Variants in AFF1 observed in about 807,000 individuals in gnomAD.
AFF1 encodes the protein ALF transcription elongation factor 1, also known as AF4/FMR2 family member 1.
AFF1 carries 48 observed loss-of-function variants against 121.7 expected under a neutral mutation model. The observed-to-expected ratio is 0.39, with a 90% CI of 0.31 to 0.50. AFF1 has a LOEUF of 0.50. Ranked by LOEUF, AFF1 falls within the 20% of genes least tolerant of loss-of-function variation. The pLI, the probability that AFF1 is intolerant of heterozygous loss-of-function variation, is 0.76. For missense variants in AFF1, 1,523 were observed against 1,511.7 expected (o/e 1.01, Z -0.12); for synonymous variants, 613 against 563.0 (o/e 1.09, Z -1.26).
intron 2 of AFF1, among the ~76,000 whole-genome samples, chr4:86,970,849 T>A (rs1188667951): frequency 6.6e-6 from 1 of 152,124 alleles, no homozygotes; most frequent in East Asian, 1.9e-4. Context: ...CAGTGTGTGC[T>A]TTGTATTTTT....
chr4:86,957,158 G>A lies in AFF1; in HGVS notation c.38+8587G>A, dbSNP rs192820726. 4.1e-4 allele frequency among the ~76,000 whole-genome samples: 62 copies of A among 152,316 alleles called. 1 individual carries two copies. The highest frequency in any genetic ancestry group is 2.6e-3 in the Admixed American group (40 of 15,300). On this transcript the variant is annotated intron_variant, in intron 2 of 20. Transcript: ENST00000395146. ...CATTTTAGGTGCTAAACTTGGTCCA[G>A]GTGGTAGATAAGATGAACACTGAGT...
chr4:87,125,552 CCTT>C (rs1221190501), intron 13 of AFF1, among the ~76,000 whole-genome samples: 23 of 152,214 alleles, frequency 1.5e-4, no homozygotes, highest in African/African-American at 5.1e-4. Context: ...GTTCAGTGCT[CCTT>C]CTTTTAGAGA....
intron 2 of AFF1, among the ~76,000 whole-genome samples, chr4:87,007,818 C>T (rs1004207569): frequency 1.3e-5 from 2 of 152,080 alleles, no homozygotes; most frequent in Admixed American, 6.6e-5. Flanking sequence ...TTTAGAAATA[C>T]GATTAATGTA....
chr4:87,044,674 T>G (rs962336630), intron 2 of AFF1, among the ~76,000 whole-genome samples: 22 of 152,056 alleles, frequency 1.4e-4, no homozygotes, highest in African/African-American at 4.8e-4. Flanking sequence ...GTGACTGGAA[T>G]GTAGAGGTAG....
chr4:87,041,459 C>T (rs1490820233), intron 2 of AFF1, among the ~76,000 whole-genome samples: 1 of 152,222 alleles, frequency 6.6e-6, no homozygotes, highest in Non-Finnish European at 1.5e-5. Context: ...GTCAGGCCTA[C>T]TGCCTTAGAA....
chr4:86,950,422 G>T (rs942930568), intron 2 of AFF1, among the ~76,000 whole-genome samples: 2 of 152,198 alleles, frequency 1.3e-5, no homozygotes, highest in Non-Finnish European at 2.9e-5. Context: ...CACCTGCCTT[G>T]GCCTCCCAAA....
At chr4:87,024,643 A>G (rs1728348141) in intron 2 of AFF1, among the ~76,000 whole-genome samples, 1 of 152,002 alleles carries the variant, frequency 6.6e-6, no homozygotes, top group Non-Finnish European at 1.5e-5. Flanking sequence ...CCGAGGCTGG[A>G]GTACAGTGGC....
At chr4:87,121,359 C>T (rs1486231341) in intron 12 of AFF1, among the ~76,000 whole-genome samples, 3 of 152,192 alleles carry the variant, frequency 2.0e-5, no homozygotes, top group Non-Finnish European at 4.4e-5. Flanking sequence ...TTTTGGTCTG[C>T]ATTTCTGCTC....
Position 87,138,671 on chromosome 4 carries a change from G to A in AFF1, c.*2970G>A, listed in dbSNP as rs962973111. ...TCAAATTATACTGGGTTCGGATTGTGAAAACATTGGCCACCTAGTAGCAGT... is the reference window on the plus strand; with the variant it reads ...TCAAATTATACTGGGTTCGGATTGTAAAAACATTGGCCACCTAGTAGCAGT... On this transcript the variant is annotated 3_prime_UTR_variant, in exon 21 of 21. Transcript: ENST00000395146. The A allele has an allele frequency of 2.6e-5, 6 of 231,504 alleles. No homozygotes were observed. The highest frequency in any genetic ancestry group is 1.3e-3 in the Middle Eastern group (1 of 778). The allele number at this position is 231,504 out of a possible 1,614,324, so 14.3% of individuals were successfully genotyped here.
intron 11 of AFF1, among the ~76,000 whole-genome samples, chr4:87,113,892 T>G (rs1487406235): frequency 6.6e-6 from 1 of 152,176 alleles, no homozygotes; most frequent in Non-Finnish European, 1.5e-5. Flanking sequence ...TGATCTCATC[T>G]TGAATAAAAG....
At chr4:87,086,466 C>T (rs1226233475) in intron 5 of AFF1, among the ~76,000 whole-genome samples, 3 of 152,118 alleles carry the variant, frequency 2.0e-5, no homozygotes, top group East Asian at 1.9e-4. Flanking sequence ...TTGCTTACCT[C>T]GAAATGCTTG....
intron 2 of AFF1, among the ~76,000 whole-genome samples, chr4:87,017,932 G>A (rs949918865): frequency 3.0e-5 from 2 of 66,076 alleles, no homozygotes; most frequent in Non-Finnish European, 4.2e-5. Context: ...GCATTCAGTC[G>A]TTCTATTTAA....
At chr4:87,076,519 G>A (rs1001241907) in intron 4 of AFF1, among the ~76,000 whole-genome samples, 2 of 152,200 alleles carry the variant, frequency 1.3e-5, no homozygotes, top group African/African-American at 4.8e-5. Context: ...TAATTCTTAA[G>A]GGAGGATTTA....
chr4:87,009,603 C>T (rs1726522809), intron 2 of AFF1, among the ~76,000 whole-genome samples: 1 of 152,196 alleles, frequency 6.6e-6, no homozygotes. Flanking sequence ...GAGTATATCT[C>T]ACATTTTGTA....
At chr4:87,022,676 A>ATAGC (rs1441871979) in intron 2 of AFF1, among the ~76,000 whole-genome samples, 74 of 143,824 alleles carry the variant, frequency 5.1e-4, no homozygotes, top group African/African-American at 1.9e-3. Flanking sequence ...GTGTATATAT[A>ATAGC]TGTGTGTGTA....
intron 5 of AFF1, among the ~76,000 whole-genome samples, chr4:87,089,211 AGT>A (rs768813919): frequency 7.2e-5 from 11 of 152,134 alleles, no homozygotes; most frequent in Admixed American, 2.0e-4. Context: ...CTTTTAGAAA[AGT>A]GTGTTTGTGT....
chr4:87,085,892 G>A (rs2057824617), intron 5 of AFF1, among the ~76,000 whole-genome samples: 1 of 151,930 alleles, frequency 6.6e-6, no homozygotes, highest in African/African-American at 2.4e-5. Flanking sequence ...GTGTGCGCCA[G>A]TACGCCCTGC....
At chr4:87,115,424 C>CTGTA in intron 12 of AFF1, 125 bp downstream of exon 12, 2 of 1,035,472 alleles carry the variant, frequency 1.9e-6, no homozygotes, top group Non-Finnish European at 2.7e-6. Flanking sequence ...CTTTGATTCG[C>CTGTA]TGTAGCCTTT....
At position 87,137,435 on chromosome 4, in the gene AFF1, TG is replaced by T. The variant is rs1243448238; in HGVS notation, c.*1736del. 4.3e-6 allele frequency: 1 copy of T among 230,878 alleles called. No individual in the cohort carries two copies. The highest frequency in any genetic ancestry group is 2.2e-5 in the African/African-American group (1 of 45,178). 14.3% of individuals were successfully genotyped at this position (230,878 alleles called of 1,614,324 possible). Reference sequence around the variant, plus strand: ...CGATGCTTATCTCTCACAGTGTGAGTGGTCTGTGTGAGGCTGTTCCTTCAGT... The same window carrying T: ...CGATGCTTATCTCTCACAGTGTGAGTGTCTGTGTGAGGCTGTTCCTTCAGT... On this transcript the variant is annotated 3_prime_UTR_variant, in exon 21 of 21. Coordinates refer to ENST00000395146, the MANE Select transcript of AFF1 (RefSeq NM_001166693.3).
Sources: allele counts gnomAD v4.1 joint callset (sites outside exome capture counted in the v4.1 genomes callset), GRCh38; gene constraint gnomAD v4.1.1; transcripts MANE v1.5; gene names NCBI Gene and HGNC (gene_info 2026-07-23, HGNC 2026-07-21).